The following LEPR variants were observed in gnomAD, a reference collection of about 807,000 sequenced individuals.
The protein encoded by LEPR is leptin receptor, also known as OB receptor.
A neutral mutation model predicts 114.7 loss-of-function variants in LEPR; 56 were observed. That is an observed-to-expected ratio of 0.49 (90% CI 0.39 to 0.61). LEPR has a LOEUF of 0.61. LEPR is among the 20% of genes least tolerant of loss of function. LEPR has a pLI of 0.00. For synonymous variants in LEPR, 443 were observed against 461.4 expected (o/e 0.96, Z 0.51); for missense variants, 1,202 against 1,352.9 (o/e 0.89, Z 1.75).
intron 2 of LEPR, among the ~76,000 whole-genome samples, chr1:65,519,248 C>T (rs1203288984): frequency 1.3e-5 from 2 of 151,692 alleles, no homozygotes; most frequent in Non-Finnish European, 2.9e-5. Context: ...CTCCCAGGCT[C>T]AAGAAATTCC....
chr1:65,459,668 A>G (rs1646920383), intron 2 of LEPR, among the ~76,000 whole-genome samples: 1 of 152,260 alleles, frequency 6.6e-6, no homozygotes, highest in African/African-American at 2.4e-5. Flanking sequence ...GCGTGAATTT[A>G]TAACTCAAAT....
intron 2 of LEPR, among the ~76,000 whole-genome samples, chr1:65,446,067 G>A (rs1350423166): frequency 6.6e-6 from 1 of 152,196 alleles, no homozygotes; most frequent in African/African-American, 2.4e-5. Context: ...TAGTTGAGGT[G>A]CTGACTGTAT....
Position 65,633,579 on chromosome 1 carries a change from C to A in LEPR, c.2674-2612C>A. On this transcript the variant is annotated intron_variant, in intron 19 of 19. Transcript: ENST00000349533. The surrounding 1 kb of genome is among the most constrained non-coding windows in gnomAD (Gnocchi z 4.1). ...TGAACTCTAAAACTGCAACATCTGA[C>A]AAATAGCTTTAAAAATACAATGATT... 2.0e-6 allele frequency: 2 copies of A among 994,622 alleles called. No individual in the cohort carries two copies. The highest frequency in any genetic ancestry group is 2.4e-6 in the Non-Finnish European group (2 of 835,136). 61.6% of individuals were successfully genotyped at this position (994,622 alleles called of 1,614,324 possible). A position where few individuals can be genotyped will look rare whatever the true frequency, so the allele number is the denominator to read the frequency against.
At chr1:65,468,952 C>T (rs189884277) in intron 2 of LEPR, among the ~76,000 whole-genome samples, 10 of 152,198 alleles carry the variant, frequency 6.6e-5, no homozygotes, top group East Asian at 1.9e-4. Flanking sequence ...TTTTGCTGTG[C>T]GGGAAGGTGA....
intron 2 of LEPR, among the ~76,000 whole-genome samples, chr1:65,426,956 C>T (rs1295910655): frequency 6.6e-6 from 1 of 151,840 alleles, no homozygotes; most frequent in East Asian, 1.9e-4. Flanking sequence ...CAAGATCGTG[C>T]CACTGCACTC....
intron 2 of LEPR, among the ~76,000 whole-genome samples, chr1:65,428,295 GT>G (rs1646419585): frequency 6.6e-6 from 1 of 152,144 alleles, no homozygotes; most frequent in Non-Finnish European, 1.5e-5. Context: ...GAGTCAGATT[GT>G]TTTTCACAAA....
intron 14 of LEPR, among the ~76,000 whole-genome samples, chr1:65,611,607 G>A (rs924155360): frequency 2.6e-5 from 4 of 152,092 alleles, no homozygotes; most frequent in African/African-American, 9.7e-5. Context: ...CTTTGGCCTA[G>A]GCTACAGCTA....
intron 9 of LEPR, 74 bp downstream of exon 9, chr1:65,601,756 T>C: frequency 3.7e-6 from 6 of 1,604,152 alleles, no homozygotes; most frequent in Non-Finnish European, 3.4e-6. Flanking sequence ...TATATTAGAG[T>C]CCTGTTAAAG....
chr1:65,565,639 C>G, intron 3 of LEPR, 34 bp downstream of exon 3: 1 of 1,612,012 alleles, frequency 6.2e-7, no homozygotes, highest in Non-Finnish European at 8.5e-7. Context: ...TTTTAATGCC[C>G]TTAAACATGG....
chr1:65,572,544 T>A, intron 5 of LEPR, 95 bp downstream of exon 5: 2 of 1,220,206 alleles, frequency 1.6e-6, no homozygotes, highest in Non-Finnish European at 2.3e-6. Flanking sequence ...CTTGCATCCC[T>A]ACATTTCCTA....
At chr1:65,574,381 A>G (rs1400828620) in intron 5 of LEPR, among the ~76,000 whole-genome samples, 4 of 150,596 alleles carry the variant, frequency 2.7e-5, no homozygotes, top group South Asian at 2.1e-4. Context: ...CATGTACCCT[A>G]AAACTTAAAG....
At chr1:65,590,871 G>C (rs897802405) in intron 5 of LEPR, among the ~76,000 whole-genome samples, 4 of 133,988 alleles carry the variant, frequency 3.0e-5, no homozygotes, top group African/African-American at 1.1e-4. Context: ...TTTAAAGTTT[G>C]GTTGAATTTG....
intron 19 of LEPR, among the ~76,000 whole-genome samples, chr1:65,627,901 G>A (rs1658311106): frequency 6.6e-6 from 1 of 151,988 alleles, no homozygotes; most frequent in Admixed American, 6.5e-5. Flanking sequence ...TGATTATTAT[G>A]AAAGTACTCT....
At chr1:65,456,310 C>CA (rs762670766) in intron 2 of LEPR, among the ~76,000 whole-genome samples, 10 of 152,002 alleles carry the variant, frequency 6.6e-5, no homozygotes, top group Non-Finnish European at 1.0e-4. Context: ...CTCCTCCCCC[C>CA]ATAGATGTTA....
chr1:65,472,590 ATAAT>A (rs895171096), intron 2 of LEPR, among the ~76,000 whole-genome samples: 4 of 144,732 alleles, frequency 2.8e-5, no homozygotes, highest in Non-Finnish European at 4.5e-5. Context: ...CTCAGAATAA[ATAAT>A]TAAATGAGTG....
intron 5 of LEPR, among the ~76,000 whole-genome samples, chr1:65,587,400 A>T (rs1655382041): frequency 6.6e-6 from 1 of 152,086 alleles, no homozygotes. Flanking sequence ...ATAAAATCGA[A>T]AGTGCTAAAT....
At chr1:65,631,328 T>G (rs75449590) in intron 19 of LEPR, among the ~76,000 whole-genome samples, 1 of 152,094 alleles carries the variant, frequency 6.6e-6, no homozygotes, top group Non-Finnish European at 1.5e-5. Flanking sequence ...CCAGCCACAG[T>G]TCTCTTGTCT....
In LEPR at chr1:65,570,630, A is replaced by T; in HGVS notation, c.198A>T (p.Thr66=). 1 of 1,613,996 alleles carries T rather than the reference A, an allele frequency of 6.2e-7. No homozygotes were observed. The highest frequency in any genetic ancestry group is 8.5e-7 in the Non-Finnish European group (1 of 1,179,940). Reference sequence around the variant, plus strand: ...CAAATTCGAATGGACATTATGAGACAGCTGTTGAACCTAAGTTTAATTCAA... The same window carrying T: ...CAAATTCGAATGGACATTATGAGACTGCTGTTGAACCTAAGTTTAATTCAA... ...NTSNSNGHYE[T]AVEPKFNSSG... is the part of the protein sequence containing the mutation. The change falls in exon 4 of 20, where the codon ACA becomes ACT. Residue 66 remains threonine (T), a synonymous_variant. Coordinates refer to ENST00000349533, the MANE Select transcript of LEPR (RefSeq NM_002303.6).
chr1:65,494,197 T>G (rs1410766865), intron 2 of LEPR: 1 of 152,184 alleles, frequency 6.6e-6, no homozygotes, highest in Non-Finnish European at 1.5e-5. Context: ...TCCTTTTGTT[T>G]GAAGTGGTTG....
Sources: gnomAD v4.1 joint callset for allele counts (sites outside exome capture counted in the v4.1 genomes callset) on GRCh38, gnomAD v4.1.1 for gene constraint, Gnocchi (gnomAD v3.1) non-coding constraint, MANE v1.5 for transcripts, NCBI Gene and HGNC (gene_info 2026-07-23, HGNC 2026-07-21) for gene names.